The following GALNT18 variants were observed in gnomAD, a reference collection of about 807,000 sequenced individuals.
The protein encoded by GALNT18 is polypeptide N-acetylgalactosaminyltransferase 18.
A neutral mutation model predicts 69.5 loss-of-function variants in GALNT18; 44 were observed. The ratio of observed to expected loss-of-function variants is 0.63; its 90% CI spans 0.50 to 0.81. The LOEUF (loss-of-function observed/expected upper bound fraction) is 0.81, where lower values mean the gene tolerates loss of function less well. Among genes scored for constraint, GALNT18 ranks in the 40% least tolerant of loss-of-function variants. GALNT18 has a pLI of 0.00. For synonymous variants in GALNT18, 364 were observed against 318.2 expected, an observed-to-expected ratio of 1.14 and a Z score of -1.53; for missense variants, 715 against 810.0, an observed-to-expected ratio of 0.88 and a Z score of 1.42.
chr11:11,410,214 G>A (rs35314807), intron 3 of GALNT18, among the ~76,000 whole-genome samples: 1 of 152,152 alleles, frequency 6.6e-6, no homozygotes, highest in Non-Finnish European at 1.5e-5. Flanking sequence ...GCCTGGAGTA[G>A]GAGGGATTCC....
chr11:11,501,288 ACT>A (rs1404452165), intron 1 of GALNT18, among the ~76,000 whole-genome samples: 9 of 152,226 alleles, frequency 5.9e-5, no homozygotes, highest in Admixed American at 5.2e-4. Context: ...TACTTTTGAA[ACT>A]CTGTAACTAT....
chr11:11,531,799 T>A (rs1314984377), intron 1 of GALNT18, among the ~76,000 whole-genome samples: 1 of 152,200 alleles, frequency 6.6e-6, no homozygotes, highest in Non-Finnish European at 1.5e-5. Flanking sequence ...TCTTACTTGC[T>A]CCCTTAACTC....
chr11:11,617,362 G>C lies in GALNT18; in HGVS notation c.235+3997C>G, dbSNP rs1248944802. Among the ~76,000 whole-genome samples the C allele has an allele frequency of 6.6e-6, 1 of 152,216 alleles. No individual in the cohort carries two copies. The highest frequency in any genetic ancestry group is 1.5e-5 in the Non-Finnish European group (1 of 68,040). On this transcript the variant is annotated intron_variant, in intron 1 of 10. Coordinates refer to ENST00000227756, the MANE Select transcript of GALNT18 (RefSeq NM_198516.3). The surrounding 1 kb of genome is among the most constrained non-coding windows in gnomAD (Gnocchi z 4.7). ...GACCAAGAGTGCCCATACTCCTGTA[G>C]AGTGTCTCTAGTATACAGTTCACCA...
At chr11:11,521,080 G>A (rs1285475108) in intron 1 of GALNT18, among the ~76,000 whole-genome samples, 1 of 151,552 alleles carries the variant, frequency 6.6e-6, no homozygotes, top group African/African-American at 2.4e-5. Flanking sequence ...AGCAGCCACG[G>A]GCTGGCAATT....
At chr11:11,447,403 T>C (rs1406346473) in intron 2 of GALNT18, among the ~76,000 whole-genome samples, 2 of 152,234 alleles carry the variant, frequency 1.3e-5, no homozygotes, top group African/African-American at 2.4e-5. Flanking sequence ...CCTAACATAC[T>C]GCATATTTGA....
chr11:11,330,128 C>A (rs1223955591), intron 8 of GALNT18, among the ~76,000 whole-genome samples: 2 of 152,242 alleles, frequency 1.3e-5, no homozygotes, highest in East Asian at 3.9e-4. Context: ...CGATGGGGCC[C>A]ACAGGTCCTT....
At chr11:11,572,861 G>C (rs1307152171) in intron 1 of GALNT18, among the ~76,000 whole-genome samples, 7 of 152,190 alleles carry the variant, frequency 4.6e-5, no homozygotes, top group Admixed American at 4.6e-4. Context: ...AATTGCCAAG[G>C]CTGGAGACCA....
chr11:11,434,048 G>A (rs1173376884), intron 2 of GALNT18, among the ~76,000 whole-genome samples: 1 of 152,000 alleles, frequency 6.6e-6, no homozygotes, highest in Non-Finnish European at 1.5e-5. Flanking sequence ...AATAGGAATG[G>A]GCCTGCTCTT....
chr11:11,351,943 G>A (rs560838178), intron 6 of GALNT18: 134 of 1,580,662 alleles, frequency 8.5e-5, no homozygotes, highest in Admixed American at 1.1e-4. Flanking sequence ...AGATAGGGCC[G>A]TTACTGCTGA....
intron 1 of GALNT18, among the ~76,000 whole-genome samples, chr11:11,527,565 C>G (rs1590074115): frequency 1.3e-5 from 2 of 152,108 alleles, no homozygotes. Flanking sequence ...TTAGAGGTAC[C>G]AAGCCATGAG....
chr11:11,476,143 T>A (rs1242816166), intron 1 of GALNT18: 1 of 152,230 alleles, frequency 6.6e-6, no homozygotes, highest in Non-Finnish European at 1.5e-5. Flanking sequence ...TTTTCCTTCA[T>A]ATCTTCCAGC....
chr11:11,585,889 C>G (rs1565027923), intron 1 of GALNT18, among the ~76,000 whole-genome samples: 1 of 148,184 alleles, frequency 6.7e-6, no homozygotes, highest in Non-Finnish European at 1.5e-5. Flanking sequence ...CAAAAGAAGT[C>G]ACATGCTAAA....
chr11:11,373,524 T>C (rs1850962843), intron 5 of GALNT18, among the ~76,000 whole-genome samples: 1 of 152,180 alleles, frequency 6.6e-6, no homozygotes, highest in Non-Finnish European at 1.5e-5. Context: ...GTGGAAAAAC[T>C]GACCTTAAGG....
At chr11:11,474,354 T>G (rs1283248272) in intron 1 of GALNT18, among the ~76,000 whole-genome samples, 1 of 152,158 alleles carries the variant, frequency 6.6e-6, no homozygotes, top group Admixed American at 6.5e-5. Context: ...CGAGTGTGAT[T>G]GGCTGAGAGT....
chr11:11,467,986 T>G (rs1006619589), intron 1 of GALNT18, among the ~76,000 whole-genome samples: 1 of 152,186 alleles, frequency 6.6e-6, no homozygotes, highest in Non-Finnish European at 1.5e-5. Flanking sequence ...GGATAATTAC[T>G]AAGAAGTCTT....
chr11:11,283,224 G>A lies in GALNT18; in HGVS notation c.1677+9805C>T, dbSNP rs543237210. Among the ~76,000 whole-genome samples, 45 of 152,170 alleles carry A rather than the reference G, an allele frequency of 3.0e-4. No homozygotes were observed. In the East Asian group the frequency reaches 8.1e-3, roughly 27 times the overall value. ...GGCTGGAGTGCAGTAGCAGGATCTCGGCTCAATGCAATCCCAGGTTCAAGT... is the reference window on the plus strand; with the variant it reads ...GGCTGGAGTGCAGTAGCAGGATCTCAGCTCAATGCAATCCCAGGTTCAAGT... On this transcript the variant is annotated intron_variant, in intron 10 of 10. Coordinates refer to ENST00000227756, the MANE Select transcript of GALNT18 (RefSeq NM_198516.3).
At chr11:11,498,520 C>T (rs1564979906) in intron 1 of GALNT18, among the ~76,000 whole-genome samples, 1 of 152,204 alleles carries the variant, frequency 6.6e-6, no homozygotes, top group South Asian at 2.1e-4. Context: ...GTGGGTTGGC[C>T]AGGCATGGTG....
chr11:11,517,619 A>G (rs927241184), intron 1 of GALNT18, among the ~76,000 whole-genome samples: 5 of 152,078 alleles, frequency 3.3e-5, no homozygotes, highest in Admixed American at 3.3e-4. Context: ...GGCCTGTTCT[A>G]AATAATATTT....
chr11:11,524,674 T>C (rs1304312322), intron 1 of GALNT18, among the ~76,000 whole-genome samples: 1 of 152,182 alleles, frequency 6.6e-6, no homozygotes, highest in Non-Finnish European at 1.5e-5. Flanking sequence ...AGTCTCCAAC[T>C]TTAATGTGAG....
Sources: gnomAD v4.1 joint callset for allele counts (sites outside exome capture counted in the v4.1 genomes callset) on GRCh38, gnomAD v4.1.1 for gene constraint, Gnocchi (gnomAD v3.1) non-coding constraint, MANE v1.5 for transcripts, NCBI Gene and HGNC (gene_info 2026-07-23, HGNC 2026-07-21) for gene names.